Variants in STPG1 observed in about 807,000 individuals in gnomAD.
STPG1 encodes O(6)-methylguanine-induced apoptosis 2.
STPG1 carries 33 observed loss-of-function variants against 40.1 expected under a neutral mutation model. That is an observed-to-expected ratio of 0.82 (90% confidence interval 0.62 to 1.10). STPG1 has a LOEUF of 1.10. Among genes scored for constraint, STPG1 ranks in the 50% least tolerant of loss-of-function variants. STPG1 has a pLI of 0.00. For synonymous variants in STPG1, 150 were observed against 155.0 expected (o/e 0.97, Z 0.24); for missense variants, 396 against 415.1 (o/e 0.95, Z 0.40).
intron 5 of STPG1, among the ~76,000 whole-genome samples, chr1:24,378,457 A>G (rs148601264): frequency 1.3e-3 from 191 of 152,122 alleles, no homozygotes; most frequent in African/African-American, 4.4e-3. Context: ...AACCCAGTGA[A>G]ACCCCATCTC....
intron 7 of STPG1, among the ~76,000 whole-genome samples, chr1:24,368,469 T>A (rs1313262750): frequency 6.6e-6 from 1 of 152,176 alleles, no homozygotes; most frequent in Non-Finnish European, 1.5e-5. Context: ...GGGCTACGCA[T>A]GGGTGAGAGC....
At chr1:24,392,087 T>A in intron 2 of STPG1, 1 of 992,526 alleles carries the variant, frequency 1.0e-6, no homozygotes, top group Non-Finnish European at 1.2e-6. Flanking sequence ...GACACCAGCA[T>A]TAGGCCGTTA....
At chr1:24,412,058 G>C (rs577243216) in intron 1 of STPG1, 78 of 152,304 alleles carry the variant, frequency 5.1e-4, no homozygotes, top group African/African-American at 1.6e-3. Flanking sequence ...GCAAGTCATA[G>C]TCTGTAGTCT....
At chr1:24,401,567 T>A in intron 1 of STPG1, 111 bp from the exon 2 acceptor site, 1 of 621,672 alleles carries the variant, frequency 1.6e-6, no homozygotes, top group East Asian at 2.9e-5. Context: ...GGGTGCCGGC[T>A]GAGATCTACC....
chr1:24,381,765 C>T (rs997319145), intron 4 of STPG1, among the ~76,000 whole-genome samples: 14 of 152,196 alleles, frequency 9.2e-5, no homozygotes, highest in African/African-American at 3.4e-4. Context: ...TCTGATCTTT[C>T]TCTGATGAGA....
intron 1 of STPG1, among the ~76,000 whole-genome samples, chr1:24,413,099 A>AT (rs769355685): frequency 6.6e-6 from 1 of 152,172 alleles, no homozygotes; most frequent in Non-Finnish European, 1.5e-5. Flanking sequence ...AGCAGCTTAC[A>AT]TTTTTTCAAA....
intron 1 of STPG1, among the ~76,000 whole-genome samples, chr1:24,409,690 T>C (rs1643539747): frequency 6.6e-6 from 1 of 152,226 alleles, no homozygotes; most frequent in Non-Finnish European, 1.5e-5. Flanking sequence ...GACTCCACCC[T>C]ACCTGGGATG....
chr1:24,398,448 T>C (rs1241295838), intron 2 of STPG1, among the ~76,000 whole-genome samples: 3 of 152,138 alleles, frequency 2.0e-5, no homozygotes, highest in Non-Finnish European at 4.4e-5. Flanking sequence ...GTACAACTGC[T>C]ATTATCCTTC....
Position 24,374,415 on chromosome 1 carries a change from C to G in STPG1, c.463-605G>C, listed in dbSNP as rs566436879. ...CTGGGACTATAGGTGCCTACCACCA[C>G]GCCCAGCTAATTTTTTTGTATTTTT... On this transcript the variant is annotated intron_variant, in intron 5 of 8. Transcript: ENST00000337248. Among the ~76,000 whole-genome samples, 338 of 151,634 alleles carry G rather than the reference C, an allele frequency of 2.2e-3. 4 individuals are homozygous for G. The highest frequency in any genetic ancestry group is 7.8e-3 in the African/African-American group (322 of 41,320).
intron 2 of STPG1, among the ~76,000 whole-genome samples, chr1:24,398,749 C>T (rs1643104435): frequency 6.6e-6 from 1 of 151,922 alleles, no homozygotes; most frequent in Non-Finnish European, 1.5e-5. Context: ...TTTATAACAG[C>T]ATAAAAATCA....
chr1:24,357,749 A>T lies in STPG1; in HGVS notation c.*794T>A, dbSNP rs193285401. ...GCCTCCACCAAAACCACTAGGGCAC[A>T]TTTCTTTTTCCCTCCACATAGAGAG... On this transcript the variant is annotated 3_prime_UTR_variant, in exon 9 of 9. Transcript: ENST00000337248. The T allele has an allele frequency of 7.7e-4, 139 of 180,880 alleles. No homozygotes were observed. The highest frequency in any genetic ancestry group is 2.9e-3 in the African/African-American group (123 of 42,420). 11.2% of individuals were successfully genotyped at this position (180,880 alleles called of 1,614,324 possible).
At chr1:24,387,317 G>T (rs147221469) in intron 3 of STPG1, among the ~76,000 whole-genome samples, 1 of 152,292 alleles carries the variant, frequency 6.6e-6, no homozygotes, top group East Asian at 1.9e-4. Context: ...GTGACTCCAT[G>T]GGAAATGCGC....
At chr1:24,387,568 C>A (rs936648961) in intron 3 of STPG1, among the ~76,000 whole-genome samples, 2 of 152,170 alleles carry the variant, frequency 1.3e-5, no homozygotes, top group Non-Finnish European at 2.9e-5. Flanking sequence ...CTCTGCCCAG[C>A]CTCCACTGCA....
chr1:24,389,733 T>G (rs539171163), intron 3 of STPG1, among the ~76,000 whole-genome samples: 2 of 152,142 alleles, frequency 1.3e-5, no homozygotes, highest in Non-Finnish European at 2.9e-5. Context: ...GGACAATATA[T>G]TATCATTAAA....
intron 2 of STPG1, among the ~76,000 whole-genome samples, chr1:24,400,104 C>A (rs1413248584): frequency 6.6e-6 from 1 of 152,114 alleles, no homozygotes; most frequent in Non-Finnish European, 1.5e-5. Context: ...TCATAATAGC[C>A]CCAAACTGGA....
intron 2 of STPG1, among the ~76,000 whole-genome samples, chr1:24,396,421 T>C (rs1185233003): frequency 6.6e-6 from 1 of 152,182 alleles, no homozygotes; most frequent in Non-Finnish European, 1.5e-5. Flanking sequence ...GCAATCCTCC[T>C]GCCTCAGCCT....
At position 24,357,354 on chromosome 1, in the gene STPG1, C is replaced by T. The variant is rs936192335; in HGVS notation, c.*1189G>A. On this transcript the variant is annotated 3_prime_UTR_variant, in exon 9 of 9. Coordinates refer to ENST00000337248, the MANE Select transcript of STPG1 (RefSeq NM_001199013.2). ...AAGTTCCCACCTCCTGAACTTCCCA[C>T]CCAGCTCCCCTCCCAGAGCCAGTTA... 1 of 152,316 alleles carries T rather than the reference C, an allele frequency of 6.6e-6. No individual in the cohort carries two copies. Among genetic ancestry groups the T allele is most frequent in the East Asian group, 1.9e-4 (1 of 5,196 alleles). The allele number at this position is 152,316 out of a possible 1,614,324, so 9.4% of individuals were successfully genotyped here. A position where few individuals can be genotyped will look rare whatever the true frequency, so the allele number is the denominator to read the frequency against.
intron 8 of STPG1, among the ~76,000 whole-genome samples, 153 bp from the exon 9 acceptor site, chr1:24,358,772 G>A (rs769989170): frequency 2.4e-4 from 37 of 152,180 alleles, no homozygotes; most frequent in East Asian, 5.8e-4. Flanking sequence ...GAACTGGCCC[G>A]AGGTTATTTG....
At chr1:24,360,827 A>T in intron 8 of STPG1, 24 bp downstream of exon 8, 1 of 1,569,396 alleles carries the variant, frequency 6.4e-7, no homozygotes, top group Non-Finnish European at 8.6e-7. Flanking sequence ...TGGTTTTTAC[A>T]ATCATTTAAA....
Sources: gnomAD v4.1 joint callset for allele counts (sites outside exome capture counted in the v4.1 genomes callset) on GRCh38, gnomAD v4.1.1 for gene constraint, MANE v1.5 for transcripts, NCBI Gene and HGNC (gene_info 2026-07-23, HGNC 2026-07-21) for gene names.